OLFM3: variants seen among roughly 807,000 people sequenced by gnomAD.
The protein encoded by OLFM3 is noelin-3.
A neutral mutation model predicts 48.6 loss-of-function variants in OLFM3; 20 were observed. That is an observed-to-expected ratio of 0.41 (90% CI 0.29 to 0.60). The LOEUF is 0.60. Ranked by LOEUF, OLFM3 falls within the 20% of genes least tolerant of loss-of-function variation. The pLI, the probability that OLFM3 is intolerant of heterozygous loss-of-function variation, is 0.28. For missense variants in OLFM3, 437 were observed against 544.3 expected (o/e 0.80, Z 1.96); for synonymous variants, 222 against 198.1 (o/e 1.12, Z -1.01).
chr1:101,914,761 C>G (rs1205551590), intron 1 of OLFM3, among the ~76,000 whole-genome samples: 2 of 152,026 alleles, frequency 1.3e-5, no homozygotes, highest in Non-Finnish European at 2.9e-5. Context: ...TTGTAATGGT[C>G]AAAACAATAA....
At chr1:101,973,919 A>G (rs907308645) in intron 1 of OLFM3, among the ~76,000 whole-genome samples, 4 of 152,294 alleles carry the variant, frequency 2.6e-5, no homozygotes, top group African/African-American at 7.2e-5. Flanking sequence ...GCTTTCTTTC[A>G]CTGTTTTCCC....
chr1:101,815,712 G>C (rs141921201), intron 4 of OLFM3, among the ~76,000 whole-genome samples: 1 of 152,258 alleles, frequency 6.6e-6, no homozygotes, highest in African/African-American at 2.4e-5. Context: ...GGAGGAATGG[G>C]TTTGGGAGCA....
At chr1:101,818,937 C>T (rs1265922620) in intron 4 of OLFM3, among the ~76,000 whole-genome samples, 1 of 152,068 alleles carries the variant, frequency 6.6e-6, no homozygotes, top group Admixed American at 6.6e-5. Context: ...TTGCAATGGT[C>T]TCCAGAAATT....
chr1:101,839,280 T>A (rs1451254423), intron 1 of OLFM3, among the ~76,000 whole-genome samples: 3 of 152,324 alleles, frequency 2.0e-5, no homozygotes, highest in Non-Finnish European at 4.4e-5. Context: ...TGGAAAGATG[T>A]ACTTAGAATT....
At chr1:101,873,361 T>G (rs1815540) in intron 1 of OLFM3, among the ~76,000 whole-genome samples, 150,339 of 151,926 alleles carry the variant, frequency 0.99, 74,405 homozygotes, top group East Asian at 1. Flanking sequence ...TTTTGTATGG[T>G]GGAAATTGTC....
chr1:101,934,918 A>T (rs1659563415), intron 1 of OLFM3, among the ~76,000 whole-genome samples: 1 of 152,122 alleles, frequency 6.6e-6, no homozygotes, highest in Non-Finnish European at 1.5e-5. Flanking sequence ...ATTTGAAACT[A>T]ATGAGACCAA....
intron 1 of OLFM3, among the ~76,000 whole-genome samples, chr1:101,909,290 A>G (rs1409631253): frequency 6.6e-6 from 1 of 152,242 alleles, no homozygotes; most frequent in Non-Finnish European, 1.5e-5. Flanking sequence ...TGAATTCCTC[A>G]AGACATTCAA....
At chr1:101,992,389 T>C (rs1661437084) in intron 1 of OLFM3, among the ~76,000 whole-genome samples, 1 of 152,204 alleles carries the variant, frequency 6.6e-6, no homozygotes, top group Non-Finnish European at 1.5e-5. Flanking sequence ...ACCAGGAAGC[T>C]ATTTGCTCCA....
At chr1:101,913,459 A>G (rs946485864) in intron 1 of OLFM3, among the ~76,000 whole-genome samples, 1 of 152,204 alleles carries the variant, frequency 6.6e-6, no homozygotes, top group African/African-American at 2.4e-5. Flanking sequence ...ATGAACTTCA[A>G]ATAACCTTAG....
intron 4 of OLFM3, among the ~76,000 whole-genome samples, chr1:101,823,270 T>C (rs560396377): frequency 1.3e-5 from 2 of 152,028 alleles, no homozygotes; most frequent in East Asian, 1.9e-4. Context: ...ATTAGTGAAA[T>C]ATCAGGATTT....
At chr1:101,904,353 C>A (rs547102659) in intron 1 of OLFM3, among the ~76,000 whole-genome samples, 7 of 151,904 alleles carry the variant, frequency 4.6e-5, no homozygotes, top group Non-Finnish European at 8.8e-5. Flanking sequence ...ATTTTAGGAA[C>A]GAGTCAGAAG....
At chr1:101,962,542 C>T (rs1249291639) in intron 1 of OLFM3, among the ~76,000 whole-genome samples, 1 of 151,954 alleles carries the variant, frequency 6.6e-6, no homozygotes, top group Non-Finnish European at 1.5e-5. Context: ...ATAATGTATC[C>T]AATGGGGTGA....
chr1:101,907,349 T>C (rs1658586943), intron 1 of OLFM3, among the ~76,000 whole-genome samples: 1 of 152,240 alleles, frequency 6.6e-6, no homozygotes, highest in Non-Finnish European at 1.5e-5. Flanking sequence ...ACAATGCCAT[T>C]CTCTGCTCTG....
intron 1 of OLFM3, among the ~76,000 whole-genome samples, chr1:101,901,803 G>A (rs993095779): frequency 1.3e-5 from 2 of 152,048 alleles, no homozygotes; most frequent in East Asian, 3.9e-4. Flanking sequence ...ATAGAAACAG[G>A]AGAGTCAGTG....
At chr1:101,894,355 G>A (rs1658115072) in intron 1 of OLFM3, among the ~76,000 whole-genome samples, 1 of 152,064 alleles carries the variant, frequency 6.6e-6, no homozygotes, top group South Asian at 2.1e-4. Context: ...GATATCAGAA[G>A]TGATTATTGC....
intron 1 of OLFM3, among the ~76,000 whole-genome samples, chr1:101,987,275 G>C (rs189536936): frequency 6.6e-6 from 1 of 152,064 alleles, no homozygotes; most frequent in South Asian, 2.1e-4. Context: ...CGTAAGCTTC[G>C]CATTACTCTT....
At chr1:101,878,909 A>T (rs531816806) in intron 1 of OLFM3, among the ~76,000 whole-genome samples, 5 of 151,904 alleles carry the variant, frequency 3.3e-5, no homozygotes, top group Admixed American at 6.6e-5. Context: ...ACAACCAGTA[A>T]TCACTGCCCC....
At chr1:101,896,792 A>G (rs1658225157) in intron 1 of OLFM3, among the ~76,000 whole-genome samples, 1 of 149,002 alleles carries the variant, frequency 6.7e-6, no homozygotes, top group South Asian at 2.1e-4. Flanking sequence ...CAATATTTCC[A>G]TTCTCTGATC....
Position 101,806,162 on chromosome 1 carries a change from T to C in OLFM3, c.613A>G (p.Ile205Val). Reference protein sequence around the residue: ...KKLTCGKLMKITGPVTVKTSG... With the variant: ...KKLTCGKLMKVTGPVTVKTSG... ...GTCTTGACTGTAACTGGGCCTGTGA[T>C]TTTCATCAGTTTGCCACATGCTGAA... The change falls in exon 5 of 6, where the codon ATC becomes GTC. Residue 205 changes from isoleucine to valine, a missense_variant. Transcript: ENST00000370103. 1 of 1,611,888 alleles carries C rather than the reference T, an allele frequency of 6.2e-7. No homozygotes were observed. The highest frequency in any genetic ancestry group is 1.3e-5 in the African/African-American group (1 of 74,830).
Sources: gnomAD v4.1 joint callset for allele counts (sites outside exome capture counted in the v4.1 genomes callset) on GRCh38, gnomAD v4.1.1 for gene constraint, MANE v1.5 for transcripts, NCBI Gene and HGNC (gene_info 2026-07-23, HGNC 2026-07-21) for gene names.